VRK2: variants seen among roughly 807,000 people sequenced by gnomAD.
VRK2 encodes the protein VRK serine/threonine kinase 2, also known as serine/threonine-protein kinase VRK2.
A neutral mutation model predicts 57.6 loss-of-function variants in VRK2; 60 were observed. The observed-to-expected ratio is 1.04, with a 90% confidence interval of 0.85 to 1.29. The LOEUF (loss-of-function observed/expected upper bound fraction) is 1.29, where lower values mean the gene tolerates loss of function less well. Among genes scored for constraint, VRK2 ranks in the 50% most tolerant of loss-of-function variants. The pLI is 0.00. For synonymous variants in VRK2, 231 were observed against 199.2 expected (o/e 1.16, Z -1.35); for missense variants, 705 against 588.1 (o/e 1.20, Z -2.06).
chr2:58,150,085 TTTTC>T (rs564443851), intron 12 of VRK2, among the ~76,000 whole-genome samples: 37 of 150,792 alleles, frequency 2.5e-4, no homozygotes, highest in Non-Finnish European at 4.5e-4. Flanking sequence ...GCAGCTGTAA[TTTTC>T]TTTTGTCGTA....
At chr2:58,014,033 A>G (rs1367017751) in intron 1 of VRK2, among the ~76,000 whole-genome samples, 1 of 152,200 alleles carries the variant, frequency 6.6e-6, no homozygotes, top group Non-Finnish European at 1.5e-5. Flanking sequence ...TATCACCTAA[A>G]TAATAATGAT....
chr2:57,949,434 C>A (rs900253581), intron 1 of VRK2, among the ~76,000 whole-genome samples: 2 of 152,054 alleles, frequency 1.3e-5, no homozygotes, highest in Admixed American at 6.5e-5. Context: ...ATCATTATGT[C>A]TGTTATGGTG....
chr2:57,934,481 T>C (rs201258690), intron 1 of VRK2, among the ~76,000 whole-genome samples: 1 of 152,364 alleles, frequency 6.6e-6, no homozygotes, highest in East Asian at 1.9e-4. Context: ...TAGCCTGTTT[T>C]GTTTCTTTGA....
chr2:58,123,441 G>A (rs1036785836), intron 8 of VRK2, among the ~76,000 whole-genome samples: 2 of 152,136 alleles, frequency 1.3e-5, no homozygotes, highest in African/African-American at 4.8e-5. Flanking sequence ...AAGTGGTGAA[G>A]GAGCAAAAGT....
chr2:58,123,344 A>G, intron 8 of VRK2, 111 bp downstream of exon 8: 2 of 1,306,016 alleles, frequency 1.5e-6, no homozygotes, highest in Non-Finnish European at 2.1e-6. Flanking sequence ...GCATAAGAGC[A>G]CTGGTGAGGT....
At chr2:58,130,313 C>G (rs1678997926) in intron 8 of VRK2, among the ~76,000 whole-genome samples, 1 of 152,170 alleles carries the variant, frequency 6.6e-6, no homozygotes, top group African/African-American at 2.4e-5. Flanking sequence ...GTGAACACAT[C>G]TGTACAAGTG....
intron 7 of VRK2, among the ~76,000 whole-genome samples, chr2:58,121,773 C>T (rs918563759): frequency 1.3e-5 from 2 of 152,040 alleles, no homozygotes; most frequent in Non-Finnish European, 2.9e-5. Context: ...TGCCTAAATC[C>T]CTTAATTTTA....
At chr2:58,152,434 A>G (rs548615869) in intron 12 of VRK2, among the ~76,000 whole-genome samples, 1 of 152,018 alleles carries the variant, frequency 6.6e-6, no homozygotes, top group East Asian at 1.9e-4. Flanking sequence ...CATGTGTAAT[A>G]TATTTCAGAA....
chr2:58,068,025 G>A (rs1458199000), intron 2 of VRK2, among the ~76,000 whole-genome samples: 44 of 151,862 alleles, frequency 2.9e-4, no homozygotes, highest in Admixed American at 2.6e-3. Context: ...CACCTCCTGG[G>A]TTCAAGCAAT....
chr2:58,005,360 G>C (rs1471642723), intron 1 of VRK2, among the ~76,000 whole-genome samples: 1 of 152,072 alleles, frequency 6.6e-6, no homozygotes, highest in Non-Finnish European at 1.5e-5. Flanking sequence ...CAAAATTATA[G>C]AAAGTGTGTA....
chr2:58,019,374 A>C (rs1673680374), intron 1 of VRK2, among the ~76,000 whole-genome samples: 1 of 152,188 alleles, frequency 6.6e-6, no homozygotes, highest in African/African-American at 2.4e-5. Flanking sequence ...AACATTATGC[A>C]ATATTAACTT....
intron 2 of VRK2, among the ~76,000 whole-genome samples, chr2:58,067,456 ATG>A: frequency 6.6e-6 from 1 of 152,242 alleles, no homozygotes; most frequent in Non-Finnish European, 1.5e-5. Flanking sequence ...TTATATTTAA[ATG>A]TAATTAGGTT....
At chr2:57,918,837 A>T (rs1299581312) in intron 1 of VRK2, among the ~76,000 whole-genome samples, 6 of 152,134 alleles carry the variant, frequency 3.9e-5, no homozygotes, top group African/African-American at 1.4e-4. Flanking sequence ...CCATGAGCCC[A>T]GTCTAATCCT....
chr2:58,127,779 T>G (rs1678585432), intron 8 of VRK2, among the ~76,000 whole-genome samples: 1 of 152,174 alleles, frequency 6.6e-6, no homozygotes. Flanking sequence ...AATTTTCAAG[T>G]TCACTTCATT....
intron 1 of VRK2, among the ~76,000 whole-genome samples, chr2:57,909,620 G>C (rs1180716533): frequency 1.3e-5 from 2 of 151,922 alleles, no homozygotes; most frequent in Admixed American, 6.6e-5. Flanking sequence ...ATTATCCTTT[G>C]GTAAAACTCG....
intron 7 of VRK2, among the ~76,000 whole-genome samples, chr2:58,103,712 A>C (rs1182287583): frequency 6.6e-6 from 1 of 151,804 alleles, no homozygotes; most frequent in Non-Finnish European, 1.5e-5. Flanking sequence ...GTTCCAAAAA[A>C]TCAAGGAAGA....
intron 6 of VRK2, among the ~76,000 whole-genome samples, chr2:58,089,121 C>T (rs1251287127): frequency 6.6e-6 from 1 of 152,168 alleles, no homozygotes; most frequent in Non-Finnish European, 1.5e-5. Flanking sequence ...GTGTATGTAA[C>T]ATGCAAGGCT....
At chr2:58,036,043 A>G (rs1157500065) in intron 3 of VRK2, among the ~76,000 whole-genome samples, 1 of 152,054 alleles carries the variant, frequency 6.6e-6, no homozygotes, top group Non-Finnish European at 1.5e-5. Flanking sequence ...CTTGAAAAAC[A>G]GTAATTTTTT....
Position 58,146,490 on chromosome 2 carries a change from G to C in VRK2, c.1182+16G>C, listed in dbSNP as rs1241534310. On this transcript the variant is annotated intron_variant, in intron 12 of 12. Transcript: ENST00000340157. ...AGCAGCTCAGGTGAGAGGGTTGTTT[G>C]TGTGTGTTTTTTCTAACTTAATGTT... is the stretch of plus-strand genomic sequence containing the variant. 1.9e-6 allele frequency: 3 copies of C among 1,598,116 alleles called. No homozygotes were observed. In the African/African-American group the frequency reaches 4.1e-5, roughly 22 times the overall value.
Sources: allele counts gnomAD v4.1 joint callset (sites outside exome capture counted in the v4.1 genomes callset), GRCh38; gene constraint gnomAD v4.1.1; transcripts MANE v1.5; gene names NCBI Gene and HGNC (gene_info 2026-07-23, HGNC 2026-07-21).